The following MSH3 variants were observed in gnomAD, a reference collection of about 807,000 sequenced individuals.
MSH3 encodes DNA mismatch repair protein Msh3.
In MSH3, 106 loss-of-function variants were observed where a neutral mutation model predicts 123.3. That is an observed-to-expected ratio of 0.86 (90% CI 0.73 to 1.01). MSH3 has a LOEUF of 1.01. MSH3 is among the 50% of genes least tolerant of loss of function. MSH3 has a pLI of 0.00. For missense variants in MSH3, 1,459 were observed against 1,347.6 expected (o/e 1.08, Z -1.29); for synonymous variants, 515 against 481.4 (o/e 1.07, Z -0.91).
chr5:80,839,188 G>C (rs59880182), intron 20 of MSH3, among the ~76,000 whole-genome samples: 1 of 152,012 alleles, frequency 6.6e-6, no homozygotes, highest in Non-Finnish European at 1.5e-5. Flanking sequence ...CCAACATACC[G>C]AAACCCCATC....
Position 80,859,529 on chromosome 5 carries a change from C to A in MSH3, c.3000+5213C>A, listed in dbSNP as rs74417626. On this transcript the variant is annotated intron_variant, in intron 21 of 23. Coordinates refer to ENST00000265081, the MANE Select transcript of MSH3 (RefSeq NM_002439.5). ...TTTTTGATCCACTCTGATAATCTGT[C>A]TTTTAACTGGTGCATTTAGATCATC... Among the ~76,000 whole-genome samples the A allele has an allele frequency of 2.6e-5, 4 of 152,214 alleles. No homozygotes were observed. In the East Asian group the frequency reaches 7.7e-4, roughly 29 times the overall value.
intron 22 of MSH3, among the ~76,000 whole-genome samples, chr5:80,871,921 G>A (rs1746221598): frequency 6.6e-6 from 1 of 152,132 alleles, no homozygotes; most frequent in Non-Finnish European, 1.5e-5. Flanking sequence ...CCCAAAGCGG[G>A]ATGTGGTCTT....
chr5:80,839,025 C>T (rs964896644), intron 20 of MSH3, among the ~76,000 whole-genome samples: 7 of 152,174 alleles, frequency 4.6e-5, no homozygotes, highest in African/African-American at 1.7e-4. Flanking sequence ...CTCAATCTCT[C>T]TGAATGTCTC....
At chr5:80,668,003 G>A (rs552148538) in intron 3 of MSH3, among the ~76,000 whole-genome samples, 1 of 152,196 alleles carries the variant, frequency 6.6e-6, no homozygotes, top group Non-Finnish European at 1.5e-5. Context: ...ACGAGTGGAG[G>A]GTGAGCAAGG....
intron 22 of MSH3, among the ~76,000 whole-genome samples, chr5:80,868,514 G>A (rs1473191965): frequency 3.3e-5 from 5 of 149,730 alleles, no homozygotes; most frequent in African/African-American, 7.4e-5. Context: ...AACTAATGCA[G>A]GAACAGAAAA....
At chr5:80,773,969 T>C (rs1432292800) in intron 15 of MSH3, among the ~76,000 whole-genome samples, 2 of 152,104 alleles carry the variant, frequency 1.3e-5, no homozygotes, top group Non-Finnish European at 2.9e-5. Context: ...GGTTTCACCA[T>C]GTTGGCCAGG....
intron 19 of MSH3, among the ~76,000 whole-genome samples, chr5:80,809,466 G>T (rs1177749965): frequency 6.6e-6 from 1 of 152,070 alleles, no homozygotes; most frequent in Non-Finnish European, 1.5e-5. Flanking sequence ...GAAGGCATAG[G>T]TTTCTACAAA....
chr5:80,747,773 G>A (rs75710098), intron 12 of MSH3, among the ~76,000 whole-genome samples: 1 of 152,168 alleles, frequency 6.6e-6, no homozygotes, highest in Non-Finnish European at 1.5e-5. Context: ...GTAGCCTACA[G>A]TATTTAGTAG....
chr5:80,789,636 GC>G (rs1580052185), intron 18 of MSH3, among the ~76,000 whole-genome samples: 1 of 152,334 alleles, frequency 6.6e-6, no homozygotes, highest in African/African-American at 2.4e-5. Context: ...CTTCCAAAGT[GC>G]TGGAATTATA....
intron 12 of MSH3, among the ~76,000 whole-genome samples, chr5:80,750,723 T>C (rs544162858): frequency 6.6e-6 from 1 of 152,300 alleles, no homozygotes; most frequent in Admixed American, 6.5e-5. Flanking sequence ...AGATTTTTAG[T>C]TTGATGCAAT....
At chr5:80,695,428 G>A (rs756240363) in intron 8 of MSH3, among the ~76,000 whole-genome samples, 5 of 151,866 alleles carry the variant, frequency 3.3e-5, no homozygotes, top group African/African-American at 4.8e-5. Context: ...TCCGCCCCCC[G>A]GGTTCAAGCA....
chr5:80,693,814 C>A (rs879318582), intron 8 of MSH3, among the ~76,000 whole-genome samples: 4 of 152,036 alleles, frequency 2.6e-5, no homozygotes, highest in African/African-American at 9.7e-5. Flanking sequence ...TGTGTCACCA[C>A]GCCTGGCTAA....
At chr5:80,776,722 A>G (rs919968792) in intron 16 of MSH3, among the ~76,000 whole-genome samples, 2 of 151,836 alleles carry the variant, frequency 1.3e-5, no homozygotes, top group African/African-American at 2.4e-5. Context: ...ACTGTTATCA[A>G]TAAGTTGCAC....
chr5:80,654,905 G>GTCGCAGCGGCCGCAGCGC lies in MSH3; in HGVS notation c.178_179insTCGCAGCGGCCGCAGCGC (p.Ala60delinsValAlaAlaAlaAlaAlaPro). The GTCGCAGCGGCCGCAGCGC allele has an allele frequency of 6.7e-7, 1 of 1,494,090 alleles. No individual in the cohort carries two copies. The highest frequency in any genetic ancestry group is 8.9e-7 in the Non-Finnish European group (1 of 1,126,380). The allele number at this position is 1,494,090 out of a possible 1,614,324, so 92.6% of individuals were successfully genotyped here. On this transcript the variant is annotated protein_altering_variant, in exon 1 of 24. Coordinates refer to ENST00000265081, the MANE Select transcript of MSH3 (RefSeq NM_002439.5). ...TGCAGCGGCTGCAGCGGCCGCAGCG[G>GTCGCAGCGGCCGCAGCGC]CCGCAGCGCCCCCAGCGCCCCCAGC...
chr5:80,789,682 T>C (rs1353506300), intron 18 of MSH3, among the ~76,000 whole-genome samples: 2 of 152,232 alleles, frequency 1.3e-5, no homozygotes, highest in Admixed American at 1.3e-4. Context: ...GTAGTCACTT[T>C]CTTTGCAAAA....
At chr5:80,769,090 A>G (rs541166580) in intron 15 of MSH3, 87 bp downstream of exon 15, 3 of 1,204,394 alleles carry the variant, frequency 2.5e-6, no homozygotes, top group South Asian at 2.7e-5. Context: ...TGAGGATAGG[A>G]TATGTATTAT....
At chr5:80,868,072 A>G (rs1053317865) in intron 22 of MSH3, among the ~76,000 whole-genome samples, 4 of 152,212 alleles carry the variant, frequency 2.6e-5, no homozygotes, top group Middle Eastern at 3.2e-3. Flanking sequence ...ACAGTGAGAT[A>G]CCTTCTCACA....
At chr5:80,808,859 A>ATATATATATATATATCTATATATATATC (rs1554074139) in intron 19 of MSH3, among the ~76,000 whole-genome samples, 1,990 of 63,610 alleles carry the variant, frequency 0.031, 26 homozygotes, top group Non-Finnish European at 0.039. Context: ...TATCTTCTTC[A>ATATATATATATATATCTATATATATATC]TATATATATA....
In MSH3 at chr5:80,809,507, C is replaced by G. The variant is rs144702347; in HGVS notation, c.2656-4077C>G. ...AAGTGTATATTTTTTCTTTTTTTCT[C>G]ATATCTTTCTAAACTACCGATTTAA... On this transcript the variant is annotated intron_variant, in intron 19 of 23. Transcript: ENST00000265081. 1.4e-4 allele frequency among the ~76,000 whole-genome samples: 21 copies of G among 152,070 alleles called. No homozygotes were observed. The East Asian group carries it at 3.7e-3, about 27-fold the overall frequency.
Sources: gnomAD v4.1 joint callset for allele counts (sites outside exome capture counted in the v4.1 genomes callset) on GRCh38, gnomAD v4.1.1 for gene constraint, MANE v1.5 for transcripts, NCBI Gene and HGNC (gene_info 2026-07-23, HGNC 2026-07-21) for gene names.